The following ETNK1 variants were observed in gnomAD, a reference collection of about 807,000 sequenced individuals.
ETNK1 encodes putative protein product of Nbla10396.
ETNK1 carries 8 observed loss-of-function variants against 45.1 expected under a neutral mutation model. The ratio of observed to expected loss-of-function variants is 0.18; its 90% CI spans 0.10 to 0.32. ETNK1 has a LOEUF of 0.32. Ranked by LOEUF, ETNK1 falls within the 10% of genes least tolerant of loss-of-function variation. The pLI, the probability that ETNK1 is intolerant of heterozygous loss-of-function variation, is 1.00. For synonymous variants in ETNK1, 152 were observed against 151.9 expected (o/e 1.00, Z -0.01); for missense variants, 302 against 430.6 (o/e 0.70, Z 2.64).
At chr12:22,652,558 G>A (rs948406286) in intron 2 of ETNK1, among the ~76,000 whole-genome samples, 8 of 152,104 alleles carry the variant, frequency 5.3e-5, no homozygotes, top group Non-Finnish European at 1.0e-4. Context: ...GATATGAGGT[G>A]GTATCACATT....
intron 5 of ETNK1, among the ~76,000 whole-genome samples, chr12:22,671,598 G>A (rs573892464): frequency 2.0e-5 from 3 of 152,092 alleles, no homozygotes; most frequent in East Asian, 1.9e-4. Flanking sequence ...CAGCACTTTG[G>A]GAGGCCGAGG....
Position 22,625,267 on chromosome 12 carries a change from C to T in ETNK1, c.-164C>T, listed in dbSNP as rs1485116962. On this transcript the variant is annotated 5_prime_UTR_variant, in exon 1 of 8. Transcript: ENST00000266517. ...GTCCAGACCCGGATCGGCAACAGTG[C>T]CGCCTCCAGACGTTCTCCTGCCGCT... 6.2e-7 allele frequency: 1 copy of T among 1,609,826 alleles called. No individual in the cohort carries two copies. Among genetic ancestry groups the T allele is most frequent in the East Asian group, 2.2e-5 (1 of 44,724 alleles).
chr12:22,683,299 C>T (rs929746765), intron 6 of ETNK1, among the ~76,000 whole-genome samples: 2 of 151,494 alleles, frequency 1.3e-5, no homozygotes, highest in Non-Finnish European at 2.9e-5. Context: ...CACTGTGTTG[C>T]CCAAGCTGGA....
intron 1 of ETNK1, among the ~76,000 whole-genome samples, chr12:22,626,535 A>G (rs1008936943): frequency 1.3e-5 from 2 of 152,190 alleles, no homozygotes; most frequent in Non-Finnish European, 2.9e-5. Flanking sequence ...CCTCGTTTTG[A>G]TGACTAATTT....
chr12:22,639,497 C>T (rs1242172927), intron 1 of ETNK1, among the ~76,000 whole-genome samples: 2 of 151,940 alleles, frequency 1.3e-5, no homozygotes, highest in Non-Finnish European at 2.9e-5. Context: ...GCCAACATGG[C>T]GAAACCCCAT....
rs752120627 is a variant in ETNK1, at chr12:22,661,086, C to G, written c.581C>G (p.Ser194Cys). 1 of 1,611,226 alleles carries G rather than the reference C, an allele frequency of 6.2e-7. No individual in the cohort carries two copies. The highest frequency in any genetic ancestry group is 1.1e-5 in the South Asian group (1 of 90,420). The change falls in exon 4 of 8, where the codon TCT becomes TGT. Residue 194 changes from serine (S) to cysteine (C), a missense_variant. By Grantham distance (112) the Ser-to-Cys change is moderately radical. Around this residue, in one of 3 missense-constraint regions of ETNK1, gnomAD observed 205 missense variants for 259.9 expected, o/e 0.79. Transcript: ENST00000266517. ...AGGTTCCTAAGTGATATCCCAAGCT[C>G]TCAGATTCTCCAGGAAGAGATGACT... is the stretch of plus-strand genomic sequence containing the variant. ...NKRFLSDIPSSQILQEEMTWM... is the reference protein window; with the variant it reads ...NKRFLSDIPSCQILQEEMTWM...
At chr12:22,630,865 C>T (rs966867976) in intron 1 of ETNK1, among the ~76,000 whole-genome samples, 1 of 152,086 alleles carries the variant, frequency 6.6e-6, no homozygotes, top group Non-Finnish European at 1.5e-5. Flanking sequence ...CCCACCTCGG[C>T]CTCCCAAAAT....
chr12:22,671,481 T>C, intron 5 of ETNK1, 126 bp downstream of exon 5: 1 of 689,516 alleles, frequency 1.5e-6, no homozygotes, highest in Admixed American at 2.6e-5. Flanking sequence ...CCGTTTTTCT[T>C]TGCTTTTGTT....
At chr12:22,682,268 G>T (rs749981182) in intron 6 of ETNK1, 2 of 494,240 alleles carry the variant, frequency 4.0e-6, no homozygotes, top group Non-Finnish European at 8.1e-6. Context: ...CTTTTCTCAT[G>T]TTCTAATTTT....
At position 22,687,312 on chromosome 12, in the gene ETNK1, T is replaced by C. The variant is rs1190792730; in HGVS notation, c.*2358T>C. The C allele has an allele frequency of 1.3e-5, 2 of 152,274 alleles. No individual in the cohort carries two copies. The highest frequency in any genetic ancestry group is 2.4e-5 in the African/African-American group (1 of 41,406). The allele number at this position is 152,274 out of a possible 1,614,324, so 9.4% of individuals were successfully genotyped here. On this transcript the variant is annotated 3_prime_UTR_variant, in exon 8 of 8. Coordinates refer to ENST00000266517, the MANE Select transcript of ETNK1 (RefSeq NM_018638.5). ...TTCTAAAGGAGGGTAAATCTCAAAG[T>C]GCTCTGAAATCATCCCTCTAAAATC...
In ETNK1 at chr12:22,625,223, C is replaced by T. The variant is rs542644522; in HGVS notation, c.-208C>T. 105 of 1,611,192 alleles carry T rather than the reference C, an allele frequency of 6.5e-5. 1 individual carries two copies. The South Asian group carries it at 9.2e-4, about 14-fold the overall frequency. Reference sequence around the variant, plus strand: ...ACAGGAATTTTCTCCGAGAGCGGGCCGGGCTCAGTTCAGCTGCTGTCCAGA... The same window carrying T: ...ACAGGAATTTTCTCCGAGAGCGGGCTGGGCTCAGTTCAGCTGCTGTCCAGA... On this transcript the variant is annotated 5_prime_UTR_variant, in exon 1 of 8. Transcript: ENST00000266517.
intron 6 of ETNK1, among the ~76,000 whole-genome samples, chr12:22,674,214 A>T (rs765231700): frequency 1.3e-5 from 2 of 152,214 alleles, no homozygotes; most frequent in Non-Finnish European, 2.9e-5. Flanking sequence ...TTTATATTTT[A>T]AAAATGAGCT....
chr12:22,662,242 A>ATT lies in ETNK1; in HGVS notation c.700+1061_700+1062dup, dbSNP rs774396641. Among the ~76,000 whole-genome samples the ATT allele has an allele frequency of 2.0e-3, 148 of 73,398 alleles. 2 individuals are homozygous for ATT. The highest frequency in any genetic ancestry group is 0.018 in the South Asian group (41 of 2,270). 48.2% of individuals were successfully genotyped at this position (73,398 alleles called of 152,430 possible). Reference sequence around the variant, plus strand: ...ATCACCATGCCCGGCTAATTTTTGTATTTTTTTTTTTTTTTTTTTTTTTTT... The same window carrying ATT: ...ATCACCATGCCCGGCTAATTTTTGTATTTTTTTTTTTTTTTTTTTTTTTTTTT... On this transcript the variant is annotated intron_variant, in intron 4 of 7. Transcript: ENST00000266517.
chr12:22,629,095 G>A (rs1953541129), intron 1 of ETNK1, among the ~76,000 whole-genome samples: 1 of 152,036 alleles, frequency 6.6e-6, no homozygotes, highest in Admixed American at 6.5e-5. Flanking sequence ...TATTGTGAGG[G>A]TAAAATAAAT....
chr12:22,668,258 G>C (rs1341402363), intron 4 of ETNK1, among the ~76,000 whole-genome samples: 2 of 152,174 alleles, frequency 1.3e-5, no homozygotes, highest in Non-Finnish European at 2.9e-5. Flanking sequence ...TGATGATCAT[G>C]CTATATGAGC....
At chr12:22,653,151 G>A (rs1211260448) in intron 2 of ETNK1, among the ~76,000 whole-genome samples, 1 of 151,982 alleles carries the variant, frequency 6.6e-6, no homozygotes, top group Admixed American at 6.6e-5. Flanking sequence ...TGGCACCCTT[G>A]TTGAATACTG....
At chr12:22,644,047 C>A (rs1198510709) in intron 2 of ETNK1, 25 bp downstream of exon 2, 2 of 1,428,718 alleles carry the variant, frequency 1.4e-6, no homozygotes, top group Admixed American at 2.7e-5. Context: ...CTGAATTTTT[C>A]CTTTTGAAAA....
At chr12:22,645,489 A>G (rs1487395042) in intron 2 of ETNK1, among the ~76,000 whole-genome samples, 1 of 151,764 alleles carries the variant, frequency 6.6e-6, no homozygotes, top group Non-Finnish European at 1.5e-5. Flanking sequence ...CCTTTTCTAT[A>G]CTTTTTGGTT....
chr12:22,625,707 C>G, intron 1 of ETNK1, 121 bp downstream of exon 1: 3 of 1,398,242 alleles, frequency 2.1e-6, no homozygotes, highest in South Asian at 1.2e-5. Flanking sequence ...CTCCTTAAGT[C>G]TATTGGGAAG....
Sources: gnomAD v4.1 joint callset for allele counts (sites outside exome capture counted in the v4.1 genomes callset) on GRCh38, gnomAD v4.1.1 for gene constraint, gnomAD v4.1.1 regional missense constraint, MANE v1.5 for transcripts, NCBI Gene and HGNC (gene_info 2026-07-23, HGNC 2026-07-21) for gene names.